Variants in PARVG observed in about 807,000 individuals in gnomAD.
PARVG encodes gamma-parvin.
Under a neutral mutation model 44.4 loss-of-function variants are expected in PARVG, and 36 were observed. That is an observed-to-expected ratio of 0.81 (90% CI 0.62 to 1.07). PARVG has a LOEUF of 1.07. Ranked by LOEUF, PARVG falls within the 50% of genes least tolerant of loss-of-function variation. PARVG has a pLI of 0.00. For missense variants in PARVG, 407 were observed against 407.4 expected (o/e 1.00, Z 0.01); for synonymous variants, 170 against 174.1 (o/e 0.98, Z 0.19).
intron 11 of PARVG, among the ~76,000 whole-genome samples, chr22:44,197,689 T>C (rs2054637245): frequency 6.6e-6 from 1 of 152,232 alleles, no homozygotes; most frequent in Non-Finnish European, 1.5e-5. Flanking sequence ...TGGACTTCTC[T>C]GAACCTCAGG....
At chr22:44,180,388 C>T (rs990555542), upstream of PARVG, among the ~76,000 whole-genome samples, 4 of 152,154 alleles carry the variant, frequency 2.6e-5, no homozygotes, top group African/African-American at 7.2e-5. Context: ...GGGAATATAC[C>T]GTCTCTTTGC....
chr22:44,173,540 TA>T (rs11423068), intron 1 of PARVG, among the ~76,000 whole-genome samples: 5 of 151,136 alleles, frequency 3.3e-5, no homozygotes, highest in African/African-American at 9.8e-5. Context: ...ACCACGCTAT[TA>T]AAAAAAAATA....
upstream of PARVG, among the ~76,000 whole-genome samples, chr22:44,178,880 T>A (rs1240403197): frequency 6.6e-6 from 1 of 152,196 alleles, no homozygotes. Context: ...AATGCTAATT[T>A]TCTTAGGTAT....
chr22:44,181,259 G>T, intron 1 of PARVG, 74 bp downstream of exon 1: 1 of 842,044 alleles, frequency 1.2e-6, no homozygotes, highest in Non-Finnish European at 1.4e-6. Flanking sequence ...GGGTGCCGTT[G>T]GTGGGTTTGA....
intron 11 of PARVG, among the ~76,000 whole-genome samples, chr22:44,196,863 C>A (rs560847207): frequency 1.3e-5 from 2 of 152,290 alleles, no homozygotes; most frequent in African/African-American, 2.4e-5. Flanking sequence ...GGAGCCCAGC[C>A]CCTCCCCCGG....
chr22:44,203,663 C>A (rs373102528), intron 12 of PARVG, among the ~76,000 whole-genome samples: 2 of 152,200 alleles, frequency 1.3e-5, no homozygotes, highest in Admixed American at 6.5e-5. Flanking sequence ...GATGAGAATG[C>A]GAACAATAGC....
intron 13 of PARVG, 77 bp downstream of exon 13, chr22:44,205,906 A>G: frequency 2.0e-6 from 3 of 1,516,940 alleles, no homozygotes; most frequent in Non-Finnish European, 2.7e-6. Context: ...AACAGGGTGC[A>G]GGGCATTGGG....
Position 44,181,055 on chromosome 22 carries a change from C to T in PARVG, c.-319C>T. The T allele has an allele frequency of 1.1e-6, 1 of 886,862 alleles. No individual in the cohort carries two copies. The highest frequency in any genetic ancestry group is 1.4e-6 in the Non-Finnish European group (1 of 740,216). The allele number at this position is 886,862 out of a possible 1,614,324, so 54.9% of individuals were successfully genotyped here. On this transcript the variant is annotated 5_prime_UTR_variant, in exon 1 of 14. Coordinates refer to ENST00000444313, the MANE Select transcript of PARVG (RefSeq NM_022141.7). ...GCCACGTTCTCACCCCTTCTTCTTCCACTGCAAACTCCTATGCAGCCGTCA... is the reference window on the plus strand; with the variant it reads ...GCCACGTTCTCACCCCTTCTTCTTCTACTGCAAACTCCTATGCAGCCGTCA...
chr22:44,189,847 G>A (rs2054524426), intron 6 of PARVG, among the ~76,000 whole-genome samples: 1 of 152,200 alleles, frequency 6.6e-6, no homozygotes, highest in African/African-American at 2.4e-5. Flanking sequence ...AACCTGGGAG[G>A]CAGAGGTTGC....
rs2054384039 is a variant in PARVG, at chr22:44,181,838, G to A, written c.-92G>A. On this transcript the variant is annotated 5_prime_UTR_variant, in exon 2 of 14. Coordinates refer to ENST00000444313, the MANE Select transcript of PARVG (RefSeq NM_022141.7). ...GTCCCCGAAGACCCCAGAAGAACCCGGAACTTGCTTCCATTCGGAATCCAG... is the reference window on the plus strand; with the variant it reads ...GTCCCCGAAGACCCCAGAAGAACCCAGAACTTGCTTCCATTCGGAATCCAG... 1 of 985,378 alleles carries A rather than the reference G, an allele frequency of 1.0e-6. No homozygotes were observed. Among genetic ancestry groups the A allele is most frequent in the Non-Finnish European group, 1.2e-6 (1 of 829,992 alleles). The allele number at this position is 985,378 out of a possible 1,614,324, so 61.0% of individuals were successfully genotyped here.
chr22:44,189,312 G>T (rs1292667842), intron 6 of PARVG, 58 bp downstream of exon 6: 1 of 1,584,982 alleles, frequency 6.3e-7, no homozygotes, highest in Non-Finnish European at 8.6e-7. Context: ...GGGTCCTTCT[G>T]CTTCAGGCTT....
intron 2 of PARVG, 104 bp from the exon 3 acceptor site, chr22:44,183,213 TG>T: frequency 9.4e-7 from 1 of 1,067,068 alleles, no homozygotes; most frequent in Non-Finnish European, 1.3e-6. Context: ...CCCCAGAACC[TG>T]GCTTCTACCC....
chr22:44,193,914 C>A lies in PARVG; in HGVS notation c.583+91C>A, dbSNP rs2054584204. 18 of 1,477,228 alleles carry A rather than the reference C, an allele frequency of 1.2e-5. No individual in the cohort carries two copies. In the South Asian group the frequency reaches 2.1e-4, roughly 18 times the overall value. The allele number at this position is 1,477,228 out of a possible 1,614,324, so 91.5% of individuals were successfully genotyped here. A position where few individuals can be genotyped will look rare whatever the true frequency, so the allele number is the denominator to read the frequency against. ...AATGCAGGGTTAATTGCTGAGCATT[C>A]TCTCATTTCCCTGTCACTTGCTGTT... On this transcript the variant is annotated intron_variant, in intron 9 of 13. Coordinates refer to ENST00000444313, the MANE Select transcript of PARVG (RefSeq NM_022141.7).
At chr22:44,181,662 T>G (rs2054380183) in intron 1 of PARVG, 80 bp from the exon 2 acceptor site, 1 of 970,392 alleles carries the variant, frequency 1.0e-6, no homozygotes. Context: ...CGGCGGGCGC[T>G]GGGGCTCCGG....
chr22:44,192,260 A>C, intron 8 of PARVG, 156 bp downstream of exon 8: 1 of 783,546 alleles, frequency 1.3e-6, no homozygotes. Context: ...CTGACCTCTC[A>C]ATCCCACGGC....
chr22:44,198,992 T>TCCACCCACCCAC (rs2054668337), intron 12 of PARVG, among the ~76,000 whole-genome samples: 4 of 14,658 alleles, frequency 2.7e-4, no homozygotes, highest in African/African-American at 1.1e-3. Flanking sequence ...CCATCCATCA[T>TCCACCCACCCAC]CTACCTATCT....
At chr22:44,191,197 G>T (rs1487757823) in intron 7 of PARVG, among the ~76,000 whole-genome samples, 1 of 151,908 alleles carries the variant, frequency 6.6e-6, no homozygotes, top group South Asian at 2.1e-4. Context: ...AGGAATCCAC[G>T]ACTTCCCTCT....
chr22:44,180,142 C>T (rs1340488447), upstream of PARVG, among the ~76,000 whole-genome samples: 3 of 152,184 alleles, frequency 2.0e-5, no homozygotes, highest in Non-Finnish European at 2.9e-5. Context: ...TCTGCTGGTT[C>T]ACCATGAGCT....
At chr22:44,190,705 G>T in intron 7 of PARVG, 39 bp downstream of exon 7, 1 of 1,537,918 alleles carries the variant, frequency 6.5e-7, no homozygotes. Flanking sequence ...AGCAGAAGCT[G>T]AGCCTCTTGG....
Sources: gnomAD v4.1 joint callset for allele counts (sites outside exome capture counted in the v4.1 genomes callset) on GRCh38, gnomAD v4.1.1 for gene constraint, MANE v1.5 for transcripts, NCBI Gene and HGNC (gene_info 2026-07-23, HGNC 2026-07-21) for gene names.